GLIS3: variants seen among roughly 807,000 people sequenced by gnomAD.
The protein encoded by GLIS3 is GLIS family zinc finger 3, also known as zinc finger protein GLIS3.
GLIS3 carries 53 observed loss-of-function variants against 78.6 expected under a neutral mutation model. The ratio of observed to expected loss-of-function variants is 0.67; its 90% confidence interval spans 0.54 to 0.85. The LOEUF (loss-of-function observed/expected upper bound fraction) is 0.85, where lower values mean the gene tolerates loss of function less well. GLIS3 is among the 40% of genes least tolerant of loss of function. The probability of loss-of-function intolerance (pLI) is 0.00; values close to 1 mark genes in which losing one functional copy is unlikely to be tolerated. For synonymous variants in GLIS3, 684 were observed against 509.9 expected (o/e 1.34, Z -4.60); for missense variants, 1,703 against 1,231.1 (o/e 1.38, Z -5.74).
chr9:3,905,021 G>A (rs572867298), intron 6 of GLIS3, among the ~76,000 whole-genome samples: 12 of 150,064 alleles, frequency 8.0e-5, no homozygotes, highest in South Asian at 4.2e-4. Flanking sequence ...CTCCCAGGCC[G>A]GAGTGCAGTG....
At chr9:4,063,303 G>A (rs1426154858) in intron 4 of GLIS3, among the ~76,000 whole-genome samples, 1 of 152,052 alleles carries the variant, frequency 6.6e-6, no homozygotes, top group Admixed American at 6.6e-5. Flanking sequence ...CAATATGGAA[G>A]AGACTTTTTA....
At chr9:4,225,882 G>T (rs906017021) in intron 2 of GLIS3, among the ~76,000 whole-genome samples, 1 of 152,106 alleles carries the variant, frequency 6.6e-6, no homozygotes, top group East Asian at 1.9e-4. Context: ...GGGGAAATGA[G>T]GAAGGAGAAG....
At chr9:4,391,898 G>A in the GLIS3 span, among the ~76,000 whole-genome samples, 3 of 152,258 alleles carry the variant, frequency 2.0e-5, no homozygotes, top group East Asian at 3.9e-4. Context: ...TCCCATTACT[G>A]GGTATATACC....
the GLIS3 span, among the ~76,000 whole-genome samples, chr9:4,462,533 C>T: frequency 6.6e-6 from 1 of 151,610 alleles, no homozygotes; most frequent in East Asian, 1.9e-4. Context: ...GAGGCAGGAG[C>T]ATTGCTTGAA....
At chr9:4,313,690 T>C (rs543050424) in intron 2 of GLIS3, among the ~76,000 whole-genome samples, 44 of 152,336 alleles carry the variant, frequency 2.9e-4, no homozygotes, top group African/African-American at 9.4e-4. Flanking sequence ...CCTTGAGTTT[T>C]ACCTCTGCTG....
chr9:4,297,456 AG>A (rs1044903714), intron 1 of GLIS3, among the ~76,000 whole-genome samples: 8 of 152,184 alleles, frequency 5.3e-5, no homozygotes, highest in African/African-American at 1.9e-4. Flanking sequence ...CCCATACTAA[AG>A]GGACCTGGTC....
the GLIS3 span, among the ~76,000 whole-genome samples, chr9:4,480,470 G>C: frequency 0.03 from 4,581 of 152,100 alleles, 236 homozygotes; most frequent in African/African-American, 0.1. Flanking sequence ...CAAAGTGCTA[G>C]GATTATAGGC....
intron 4 of GLIS3, among the ~76,000 whole-genome samples, chr9:3,994,407 T>G (rs1278977094): frequency 6.6e-6 from 1 of 152,194 alleles, no homozygotes; most frequent in Non-Finnish European, 1.5e-5. Flanking sequence ...CACCTACACC[T>G]TGATTTGGGA....
chr9:4,280,050 C>T (rs1049545517), intron 2 of GLIS3, among the ~76,000 whole-genome samples: 2 of 152,166 alleles, frequency 1.3e-5, no homozygotes, highest in African/African-American at 4.8e-5. Flanking sequence ...GGCAGGGTCT[C>T]ACTCTGTCAC....
Position 4,116,472 on chromosome 9 carries a change from A to G in GLIS3, c.1710+1296T>C, listed in dbSNP as rs1388538657. Among the ~76,000 whole-genome samples, 4 of 152,272 alleles carry G rather than the reference A, an allele frequency of 2.6e-5. No individual in the cohort carries two copies. The East Asian group carries it at 7.7e-4, about 29-fold the overall frequency. On this transcript the variant is annotated intron_variant, in intron 4 of 10. Transcript: ENST00000381971. Reference sequence around the variant, plus strand: ...CTTGAGAAAAATCACAATGTGGTGCATAGCGTTGTGACAAGAAATGCAATT... The same window carrying G: ...CTTGAGAAAAATCACAATGTGGTGCGTAGCGTTGTGACAAGAAATGCAATT...
Position 3,960,521 on chromosome 9 carries a change from C to CAG in GLIS3, c.1711-23334_1711-23333dup, listed in dbSNP as rs372260878. Among the ~76,000 whole-genome samples, 976 of 152,316 alleles carry CAG rather than the reference C, an allele frequency of 6.4e-3. 15 individuals are homozygous for CAG. Among genetic ancestry groups the CAG allele is most frequent in the African/African-American group, 0.022 (935 of 41,582 alleles). On this transcript the variant is annotated intron_variant, in intron 4 of 10. Coordinates refer to ENST00000381971, the MANE Select transcript of GLIS3 (RefSeq NM_001042413.2). ...CATTAGAATGCAGTCTCCATGCAGG[C>CAG]AGGGGTCTTCTCTTGCTTTGTTCAT...
chr9:4,099,296 C>T (rs1372678012), intron 4 of GLIS3, among the ~76,000 whole-genome samples: 1 of 152,188 alleles, frequency 6.6e-6, no homozygotes, highest in East Asian at 1.9e-4. Context: ...AGGTGTGGGT[C>T]TGAGGGCTCT....
intron 2 of GLIS3, among the ~76,000 whole-genome samples, chr9:4,330,114 T>G (rs187733718): frequency 4.6e-5 from 7 of 152,132 alleles, no homozygotes; most frequent in African/African-American, 1.7e-4. Context: ...TTTAGGAAAT[T>G]CAGTGTAGAC....
intron 2 of GLIS3, among the ~76,000 whole-genome samples, chr9:4,339,033 C>T (rs1264713824): frequency 6.6e-6 from 1 of 152,208 alleles, no homozygotes; most frequent in African/African-American, 2.4e-5. Context: ...AAGGACCCTC[C>T]TGGTGAGTTC....
the GLIS3 span, among the ~76,000 whole-genome samples, chr9:4,355,802 T>C: frequency 6.6e-6 from 1 of 152,152 alleles, no homozygotes; most frequent in East Asian, 1.9e-4. Context: ...TATACAATGA[T>C]GAAAGAGTCA....
At chr9:3,991,683 A>ATTTTTTTTTTTTTTTTTTTTTTTTTTT (rs59495657) in intron 4 of GLIS3, among the ~76,000 whole-genome samples, 1 of 87,912 alleles carries the variant, frequency 1.1e-5, no homozygotes, top group African/African-American at 5.3e-5. Context: ...AAGTAGGCTG[A>ATTTTTTTTTTTTTTTTTTTTTTTTTTT]TTTTTTTTTT....
At chr9:4,189,942 GCAAA>G (rs1166781313) in intron 2 of GLIS3, among the ~76,000 whole-genome samples, 1 of 151,972 alleles carries the variant, frequency 6.6e-6, no homozygotes, top group African/African-American at 2.4e-5. Context: ...TGGACCTCTA[GCAAA>G]CTCCAAGAGA....
chr9:4,359,194 G>T, the GLIS3 span, among the ~76,000 whole-genome samples: 1 of 151,748 alleles, frequency 6.6e-6, no homozygotes, highest in Non-Finnish European at 1.5e-5. Context: ...GTTCAGGAAC[G>T]CCCACCGCTC....
At chr9:4,077,261 A>G (rs920868199) in intron 4 of GLIS3, among the ~76,000 whole-genome samples, 2 of 152,208 alleles carry the variant, frequency 1.3e-5, no homozygotes, top group Admixed American at 1.3e-4. Flanking sequence ...ATAAATTCCT[A>G]GAAGTGTAAT....
Sources: gnomAD v4.1 joint callset for allele counts (sites outside exome capture counted in the v4.1 genomes callset) on GRCh38, gnomAD v4.1.1 for gene constraint, MANE v1.5 for transcripts, NCBI Gene and HGNC (gene_info 2026-07-23, HGNC 2026-07-21) for gene names.